Variants in PMEPA1 observed in about 807,000 individuals in gnomAD.
PMEPA1 encodes prostate transmembrane protein, androgen induced 1, also known as protein TMEPAI.
A neutral mutation model predicts 23.0 loss-of-function variants in PMEPA1; 11 were observed. That is an observed-to-expected ratio of 0.48 (90% CI 0.30 to 0.79). The LOEUF (loss-of-function observed/expected upper bound fraction) is 0.79. Ranked by LOEUF, PMEPA1 falls within the 30% of genes least tolerant of loss-of-function variation. The pLI is 0.06. For synonymous variants in PMEPA1, 204 were observed against 166.4 expected (o/e 1.23, Z -1.74); for missense variants, 377 against 390.9 (o/e 0.96, Z 0.30).
intron 1 of PMEPA1, 50 bp from the exon 2 acceptor site, chr20:57,659,747 T>C (rs2071386435): frequency 3.9e-6 from 6 of 1,529,756 alleles, no homozygotes; most frequent in Non-Finnish European, 5.3e-6. Flanking sequence ...TGCAGGTCGC[T>C]GTGCTCAGGG....
In PMEPA1 at chr20:57,691,474, G is replaced by A. The variant is rs200069010; in HGVS notation, c.109+18000C>T. ...ACAGTCTCTGGGCTGGTCTAGGAGG[G>A]CGAAGGTGTCCAGGCTATAGCAGCC... On this transcript the variant is annotated intron_variant, in intron 1 of 3. Transcript: ENST00000341744. 3.2e-4 allele frequency among the ~76,000 whole-genome samples: 49 copies of A among 152,268 alleles called. 1 individual carries two copies. In the East Asian group the frequency reaches 6.8e-3, roughly 21 times the overall value.
upstream of PMEPA1, chr20:57,711,399 A>C (rs1000792933): frequency 2.6e-5 from 4 of 152,178 alleles, no homozygotes; most frequent in Admixed American, 2.6e-4. Flanking sequence ...CTCCCTGCAC[A>C]GGCACAGTGA....
intron 1 of PMEPA1, among the ~76,000 whole-genome samples, chr20:57,662,983 C>T (rs1234857235): frequency 1.3e-5 from 2 of 152,202 alleles, no homozygotes; most frequent in Non-Finnish European, 2.9e-5. Context: ...TCACGGCTCT[C>T]CTGGCCCCGC....
chr20:57,666,311 C>T (rs1470068781), intron 1 of PMEPA1, among the ~76,000 whole-genome samples: 2 of 151,968 alleles, frequency 1.3e-5, no homozygotes, highest in Admixed American at 1.3e-4. Flanking sequence ...GGAGAGGAAC[C>T]GTGAGCAGGC....
intron 1 of PMEPA1, among the ~76,000 whole-genome samples, chr20:57,681,765 C>A (rs1266832684): frequency 6.6e-6 from 1 of 152,174 alleles, no homozygotes; most frequent in African/African-American, 2.4e-5. Context: ...GCAACCTGGT[C>A]AGTCCCCCCT....
chr20:57,676,134 C>T (rs528995444), intron 1 of PMEPA1, among the ~76,000 whole-genome samples: 4 of 152,344 alleles, frequency 2.6e-5, no homozygotes, highest in South Asian at 2.1e-4. Flanking sequence ...CTCTGAGCGT[C>T]GAGATGGGGA....
intron 1 of PMEPA1, among the ~76,000 whole-genome samples, chr20:57,698,482 G>A (rs527642395): frequency 2.6e-5 from 4 of 152,170 alleles, no homozygotes; most frequent in East Asian, 1.9e-4. Flanking sequence ...CATGCCTTCC[G>A]CAAGACCAAA....
chr20:57,652,192 G>A lies in PMEPA1; in HGVS notation c.725C>T (p.Ser242Phe). The change falls in exon 4 of 4, where the codon TCC (serine) becomes TTC (phenylalanine). Residue 242 changes from serine (S) to phenylalanine (F), a missense_variant. Physicochemically the swap from Ser to Phe is radical, Grantham distance 155. Coordinates refer to ENST00000341744, the MANE Select transcript of PMEPA1 (RefSeq NM_020182.5). This position sits in a 1 kb window ranked among gnomAD's most constrained non-coding sequence, Gnocchi z 6.1. ...YSEVIGHYPG[S>F]SFQHQQSSGP... is the part of the protein sequence containing the mutation. ...ACTGCTCTGCTGGTGCTGGAAGGAGGACCCCGGGTAGTGGCCGATGACCTC... is the reference window on the plus strand; with the variant it reads ...ACTGCTCTGCTGGTGCTGGAAGGAGAACCCCGGGTAGTGGCCGATGACCTC... 2 of 1,609,842 alleles carry A rather than the reference G, an allele frequency of 1.2e-6. No individual in the cohort carries two copies. Among genetic ancestry groups the A allele is most frequent in the Non-Finnish European group, 1.7e-6 (2 of 1,178,946 alleles).
chr20:57,705,671 G>A (rs548841440), intron 1 of PMEPA1, among the ~76,000 whole-genome samples: 18 of 152,338 alleles, frequency 1.2e-4, no homozygotes, highest in South Asian at 1.0e-3. Context: ...AACGTCTGAC[G>A]GGAATTAAGG....
In PMEPA1 at chr20:57,652,494, C is replaced by A; in HGVS notation, c.423G>T (p.Gln141His). ...TGGTGGGTGGCAGGTCGATCTCGTG[C>A]TGCAGGTACGGATAGGTGGGCTGGA... Reference protein sequence around the residue: ...HRFQPTYPYLQHEIDLPPTIS... With the variant: ...HRFQPTYPYLHHEIDLPPTIS... Residue 141 changes from glutamine (Q) to histidine (H), a missense_variant, in exon 4 of 4, where the codon CAG becomes CAT. Gln to His is a conservative substitution (Grantham distance 24). Transcript: ENST00000341744. This position sits in a 1 kb window ranked among gnomAD's most constrained non-coding sequence, Gnocchi z 6.1. 1.2e-6 allele frequency: 2 copies of A among 1,603,584 alleles called. No individual in the cohort carries two copies. The highest frequency in any genetic ancestry group is 1.1e-5 in the South Asian group (1 of 89,570).
chr20:57,709,585 A>ACGGCGCGG lies in PMEPA1; in HGVS notation c.-11_-4dup, dbSNP rs776285575. On this transcript the variant is annotated 5_prime_UTR_variant, in exon 1 of 4. Transcript: ENST00000341744. ...TTGACCCCCATCAAGCGGTGCATGG[A>ACGGCGCGG]CGGCGCGGCGGCGCGGCGCGGGGCG... 13 of 988,394 alleles carry ACGGCGCGG rather than the reference A, an allele frequency of 1.3e-5. No homozygotes were observed. Among genetic ancestry groups the ACGGCGCGG allele is most frequent in the South Asian group, 4.5e-5 (1 of 22,154 alleles). The allele number at this position is 988,394 out of a possible 1,614,324, so 61.2% of individuals were successfully genotyped here.
At chr20:57,705,005 G>A (rs576715257) in intron 1 of PMEPA1, among the ~76,000 whole-genome samples, 1 of 152,290 alleles carries the variant, frequency 6.6e-6, no homozygotes, top group East Asian at 1.9e-4. Flanking sequence ...TCTTACAGGG[G>A]AGAATGTGCA....
chr20:57,677,750 T>C (rs1426146864), intron 1 of PMEPA1, among the ~76,000 whole-genome samples: 1 of 152,112 alleles, frequency 6.6e-6, no homozygotes, highest in Non-Finnish European at 1.5e-5. Context: ...AGCTTTACTT[T>C]TCATAGCAAA....
chr20:57,672,037 C>A (rs1423877045), intron 1 of PMEPA1, among the ~76,000 whole-genome samples: 1 of 152,136 alleles, frequency 6.6e-6, no homozygotes, highest in Non-Finnish European at 1.5e-5. Flanking sequence ...ATTTTTATAG[C>A]AAAAATGAGG....
intron 2 of PMEPA1, among the ~76,000 whole-genome samples, chr20:57,658,032 A>G (rs1331420075): frequency 6.6e-6 from 1 of 152,168 alleles, no homozygotes; most frequent in African/African-American, 2.4e-5. Context: ...CCATTAAGAG[A>G]TTAACTCTGT....
chr20:57,698,009 T>C (rs1021304323), intron 1 of PMEPA1, among the ~76,000 whole-genome samples: 19 of 152,306 alleles, frequency 1.2e-4, no homozygotes, highest in African/African-American at 4.3e-4. Context: ...AAACATTTGT[T>C]TCATGGTAGG....
At chr20:57,654,664 T>G (rs1475015840) in intron 2 of PMEPA1, among the ~76,000 whole-genome samples, 2 of 152,126 alleles carry the variant, frequency 1.3e-5, no homozygotes, top group Non-Finnish European at 2.9e-5. Flanking sequence ...CTCCTTCTAT[T>G]AGACAGTTCT....
At chr20:57,689,131 C>T (rs1362719777) in intron 1 of PMEPA1, among the ~76,000 whole-genome samples, 1 of 152,120 alleles carries the variant, frequency 6.6e-6, no homozygotes, top group African/African-American at 2.4e-5. Flanking sequence ...TTGGGAGCTG[C>T]CTCTATCATT....
At chr20:57,696,888 T>G (rs1201197524) in intron 1 of PMEPA1, among the ~76,000 whole-genome samples, 1 of 152,216 alleles carries the variant, frequency 6.6e-6, no homozygotes, top group Non-Finnish European at 1.5e-5. Flanking sequence ...TTTACACCCC[T>G]GATTTTTAAA....
Sources: gnomAD v4.1 joint callset for allele counts (sites outside exome capture counted in the v4.1 genomes callset) on GRCh38, gnomAD v4.1.1 for gene constraint, Gnocchi (gnomAD v3.1) non-coding constraint, MANE v1.5 for transcripts, NCBI Gene and HGNC (gene_info 2026-07-23, HGNC 2026-07-21) for gene names.